The following KCNQ5 variants were observed in gnomAD, a reference collection of about 807,000 sequenced individuals.
The protein encoded by KCNQ5 is potassium voltage-gated channel subfamily KQT member 5.
In KCNQ5, 30 loss-of-function variants were observed where a neutral mutation model predicts 98.2. The ratio of observed to expected loss-of-function variants is 0.31; its 90% CI spans 0.23 to 0.41. KCNQ5 has a LOEUF of 0.41. Ranked by LOEUF, KCNQ5 falls within the 10% of genes least tolerant of loss-of-function variation. The pLI, the probability that KCNQ5 is intolerant of heterozygous loss-of-function variation, is 1.00. For missense variants in KCNQ5, 835 were observed against 1,182.5 expected, an observed-to-expected ratio of 0.71 and a Z score of 4.31; for synonymous variants, 458 against 449.4, an observed-to-expected ratio of 1.02 and a Z score of -0.24.
intron 1 of KCNQ5, among the ~76,000 whole-genome samples, chr6:72,935,669 TCTCTGTTC>T (rs1765884466): frequency 6.6e-6 from 1 of 152,194 alleles, no homozygotes; most frequent in South Asian, 2.1e-4. Flanking sequence ...TATGCCTATT[TCTCTGTTC>T]CTCTTTATAG....
In KCNQ5 at chr6:72,790,608, A is replaced by C. The variant is rs1010053397; in HGVS notation, c.398+168021A>C. Reference sequence around the variant, plus strand: ...AAGACCTAGTGTTTGTTAGTGCAACAGGGTGACTATGGTAAAAAATAATTT... The same window carrying C: ...AAGACCTAGTGTTTGTTAGTGCAACCGGGTGACTATGGTAAAAAATAATTT... On this transcript the variant is annotated intron_variant, in intron 1 of 13. Transcript: ENST00000370398. Among the ~76,000 whole-genome samples the C allele has an allele frequency of 4.6e-5, 7 of 152,340 alleles. No individual in the cohort carries two copies. The East Asian group carries it at 1.3e-3, about 29-fold the overall frequency.
intron 2 of KCNQ5, among the ~76,000 whole-genome samples, chr6:73,023,859 A>C (rs1204944609): frequency 6.6e-6 from 1 of 152,200 alleles, no homozygotes; most frequent in Non-Finnish European, 1.5e-5. Context: ...ACTGGGAACC[A>C]TTCTTAAACC....
Position 73,192,591 on chromosome 6 carries a change from A to G in KCNQ5, c.1736A>G (p.Gln579Arg). 6.2e-7 allele frequency: 1 copy of G among 1,611,112 alleles called. No individual in the cohort carries two copies. Among genetic ancestry groups the G allele is most frequent in the South Asian group, 1.1e-5 (1 of 90,532 alleles). The change falls in exon 13 of 14, where the codon CAA becomes CGA. Residue 579 changes from glutamine (Q) to arginine (R), a missense_variant. By Grantham distance (43) the Gln-to-Arg change is conservative. Transcript: ENST00000370398. ...GTTGATCAAATTCTTGGAAAAGGGC[A>G]AATCACATCAGATAAGAAGAGCCGA... is the stretch of plus-strand genomic sequence containing the variant. ...TRVDQILGKG[Q>R]ITSDKKSREK...
chr6:72,850,531 C>T (rs1438107424), intron 1 of KCNQ5, among the ~76,000 whole-genome samples: 1 of 152,138 alleles, frequency 6.6e-6, no homozygotes, highest in African/African-American at 2.4e-5. Flanking sequence ...ACTCTTGTCC[C>T]CGGATCTCCT....
intron 1 of KCNQ5, among the ~76,000 whole-genome samples, chr6:72,969,407 G>A (rs546232148): frequency 7.2e-5 from 11 of 152,138 alleles, no homozygotes; most frequent in Non-Finnish European, 1.0e-4. Flanking sequence ...AAATTCAGTT[G>A]TTTCTGACCT....
At chr6:72,970,238 G>A (rs1767816151) in intron 1 of KCNQ5, among the ~76,000 whole-genome samples, 1 of 152,078 alleles carries the variant, frequency 6.6e-6, no homozygotes, top group Non-Finnish European at 1.5e-5. Flanking sequence ...TAGCTTGGAT[G>A]ACAGAGCAAG....
At chr6:73,025,863 T>C (rs1770857236) in intron 2 of KCNQ5, among the ~76,000 whole-genome samples, 1 of 152,158 alleles carries the variant, frequency 6.6e-6, no homozygotes, top group African/African-American at 2.4e-5. Context: ...GCTGAGTAGC[T>C]GTGGGTTGGC....
chr6:72,726,449 G>A (rs890622087), intron 1 of KCNQ5, among the ~76,000 whole-genome samples: 59 of 151,982 alleles, frequency 3.9e-4, no homozygotes, highest in Admixed American at 1.0e-3. Context: ...TCCTGACCTC[G>A]TGATCCGCCC....
At position 73,138,518 on chromosome 6, in the gene KCNQ5, G is replaced by A. The variant is rs1391041173; in HGVS notation, c.1468+4877G>A. Among the ~76,000 whole-genome samples, 6 of 152,166 alleles carry A rather than the reference G, an allele frequency of 3.9e-5. No individual in the cohort carries two copies. The South Asian group carries it at 1.0e-3, about 26-fold the overall frequency. ...GTGCTTGATATTAGCTAAACCCAAC[G>A]TTCTGTAGTAATTAGCATGTTCGTT... On this transcript the variant is annotated intron_variant, in intron 10 of 13. Transcript: ENST00000370398.
Position 73,034,938 on chromosome 6 carries a change from C to T in KCNQ5, c.490-6998C>T, listed in dbSNP as rs1002464052. 3.3e-5 allele frequency among the ~76,000 whole-genome samples: 5 copies of T among 150,852 alleles called. No individual in the cohort carries two copies. The South Asian group carries it at 6.3e-4, about 19-fold the overall frequency. On this transcript the variant is annotated intron_variant, in intron 2 of 13. Transcript: ENST00000370398. ...TCGGCTCACTGCAAGCTCCGCCTCC[C>T]GGGTTCACGCCATTCTCCTGCCTCA...
intron 9 of KCNQ5, chr6:73,125,449 A>G (rs1413028195): frequency 1.9e-6 from 1 of 518,338 alleles, no homozygotes; most frequent in Non-Finnish European, 3.8e-6. Context: ...GGAAAGGAAG[A>G]AGAGATACAT....
At chr6:72,882,431 C>T (rs1778669501) in intron 1 of KCNQ5, among the ~76,000 whole-genome samples, 1 of 152,106 alleles carries the variant, frequency 6.6e-6, no homozygotes, top group Non-Finnish European at 1.5e-5. Context: ...AAGGCCTGAA[C>T]TTGCACAAGC....
intron 10 of KCNQ5, among the ~76,000 whole-genome samples, chr6:73,153,077 G>T (rs577465096): frequency 2.0e-5 from 3 of 152,110 alleles, no homozygotes; most frequent in Admixed American, 2.0e-4. Flanking sequence ...GAGATTGCAC[G>T]CAACCTTCCT....
In KCNQ5 at chr6:72,744,577, A is replaced by T. The variant is rs558497340; in HGVS notation, c.398+121990A>T. On this transcript the variant is annotated intron_variant, in intron 1 of 13. Transcript: ENST00000370398. ...TGTAATCCCAGTACTTTGGGAGGCC[A>T]AGGTGGGCGGATCACCTGAGGTCAG... Among the ~76,000 whole-genome samples, 9 of 152,224 alleles carry T rather than the reference A, an allele frequency of 5.9e-5. No individual in the cohort carries two copies. In the South Asian group the frequency reaches 1.2e-3, roughly 21 times the overall value.
intron 11 of KCNQ5, among the ~76,000 whole-genome samples, chr6:73,174,298 T>C (rs1778128401): frequency 6.6e-6 from 1 of 152,206 alleles, no homozygotes; most frequent in Non-Finnish European, 1.5e-5. Context: ...ACAACCATGT[T>C]TTATGTCAGT....
At chr6:73,073,245 T>C (rs888077489) in intron 3 of KCNQ5, among the ~76,000 whole-genome samples, 2 of 152,194 alleles carry the variant, frequency 1.3e-5, no homozygotes, top group African/African-American at 4.8e-5. Context: ...ACTTGACCAC[T>C]ATGAGCCTCA....
intron 1 of KCNQ5, among the ~76,000 whole-genome samples, chr6:72,902,931 CG>C (rs1779567095): frequency 6.6e-6 from 1 of 151,962 alleles, no homozygotes; most frequent in East Asian, 1.9e-4. Context: ...ATTTGAGTGT[CG>C]GGTAGAAATC....
intron 3 of KCNQ5, among the ~76,000 whole-genome samples, chr6:73,054,903 C>T (rs1167640948): frequency 3.9e-5 from 6 of 152,142 alleles, no homozygotes; most frequent in Non-Finnish European, 7.4e-5. Flanking sequence ...TCAAACTGTC[C>T]CTGATTCCAG....
chr6:73,077,156 T>C (rs1426386152), intron 3 of KCNQ5, among the ~76,000 whole-genome samples, 166 bp from the exon 4 acceptor site: 1 of 152,224 alleles, frequency 6.6e-6, no homozygotes, highest in African/African-American at 2.4e-5. Context: ...CATTCTTCAG[T>C]CTTCGGAAAT....
Sources: allele counts gnomAD v4.1 joint callset (sites outside exome capture counted in the v4.1 genomes callset), GRCh38; gene constraint gnomAD v4.1.1; transcripts MANE v1.5; gene names NCBI Gene and HGNC (gene_info 2026-07-23, HGNC 2026-07-21).